FAM135B: variants seen among roughly 807,000 people sequenced by gnomAD.
FAM135B encodes protein FAM135B.
In FAM135B, 43 loss-of-function variants were observed where a neutral mutation model predicts 127.7. The ratio of observed to expected loss-of-function variants is 0.34; its 90% confidence interval spans 0.26 to 0.43. The LOEUF is 0.43. Ranked by LOEUF, FAM135B falls within the 20% of genes least tolerant of loss-of-function variation. The pLI is 1.00. For synonymous variants in FAM135B, 670 were observed against 665.1 expected (o/e 1.01, Z -0.11); for missense variants, 1,558 against 1,725.6 (o/e 0.90, Z 1.72).
chr8:138,309,438 C>T (rs76772120), intron 3 of FAM135B, among the ~76,000 whole-genome samples: 97 of 151,994 alleles, frequency 6.4e-4, no homozygotes, highest in East Asian at 4.9e-3. Context: ...TTATTTAATG[C>T]TTCACTCTGC....
chr8:138,320,124 T>G (rs568317193), intron 2 of FAM135B, among the ~76,000 whole-genome samples: 18 of 152,328 alleles, frequency 1.2e-4, no homozygotes, highest in African/African-American at 4.1e-4. Context: ...ATTTCAGAAT[T>G]CTAACCTGCA....
intron 19 of FAM135B, among the ~76,000 whole-genome samples, chr8:138,134,980 A>G (rs1200595078): frequency 6.6e-6 from 1 of 152,200 alleles, no homozygotes; most frequent in Admixed American, 6.5e-5. Flanking sequence ...CATAATAAAT[A>G]CAATTTGCTA....
At position 138,465,217 on chromosome 8, in the gene FAM135B, G is replaced by A. The variant is rs530060013; in HGVS notation, c.-20+31454C>T. ...GGAGTGACATTCATTGAAGTTGCACGTATCAGGTGTTTAGACCCAAAGGTC... is the reference window on the plus strand; with the variant it reads ...GGAGTGACATTCATTGAAGTTGCACATATCAGGTGTTTAGACCCAAAGGTC... On this transcript the variant is annotated intron_variant, in intron 1 of 19. Transcript: ENST00000395297. Among the ~76,000 whole-genome samples the A allele has an allele frequency of 4.6e-5, 7 of 152,222 alleles. No homozygotes were observed. The East Asian group carries it at 5.8e-4, about 13-fold the overall frequency.
At chr8:138,350,369 C>T (rs181052482) in intron 2 of FAM135B, among the ~76,000 whole-genome samples, 2 of 152,124 alleles carry the variant, frequency 1.3e-5, no homozygotes, top group Admixed American at 1.3e-4. Flanking sequence ...CTAATCAAAT[C>T]CAGCTTAGGA....
chr8:138,378,572 C>T (rs866674152), intron 1 of FAM135B, among the ~76,000 whole-genome samples: 15 of 152,298 alleles, frequency 9.8e-5, no homozygotes, highest in African/African-American at 3.1e-4. Context: ...CTCTGAGGTT[C>T]TTCAGGGCCT....
At chr8:138,174,596 C>T (rs1480900571) in intron 11 of FAM135B, among the ~76,000 whole-genome samples, 2 of 152,208 alleles carry the variant, frequency 1.3e-5, no homozygotes, top group Non-Finnish European at 2.9e-5. Flanking sequence ...TAGTATCTCG[C>T]TTATCTTAGT....
chr8:138,216,852 C>CT (rs1818586543), intron 7 of FAM135B, among the ~76,000 whole-genome samples: 1 of 152,112 alleles, frequency 6.6e-6, no homozygotes, highest in Admixed American at 6.6e-5. Flanking sequence ...CAGCTACAAT[C>CT]CTAACCATCT....
chr8:138,368,338 A>C (rs1830895019), intron 1 of FAM135B, among the ~76,000 whole-genome samples: 1 of 152,120 alleles, frequency 6.6e-6, no homozygotes, highest in Admixed American at 6.5e-5. Flanking sequence ...AAGGCACAAG[A>C]ATCCTTGCTC....
At chr8:138,325,555 C>T (rs947371589) in intron 2 of FAM135B, among the ~76,000 whole-genome samples, 2 of 152,052 alleles carry the variant, frequency 1.3e-5, no homozygotes, top group Non-Finnish European at 2.9e-5. Flanking sequence ...ACTGTTGAGC[C>T]TTCAGGAAAT....
rs192391540 is a variant in FAM135B at position 138,194,523 on chromosome 8, C to G, written c.873+735G>C. On this transcript the variant is annotated intron_variant, in intron 9 of 19. Coordinates refer to ENST00000395297, the MANE Select transcript of FAM135B (RefSeq NM_015912.4). ...TGCCCAGGCTCAGGCAAAGATGCAT[C>G]ATTAAAGTTCCAAGGATGATTCTAA... Among the ~76,000 whole-genome samples, 299 of 152,314 alleles carry G rather than the reference C, an allele frequency of 2.0e-3. 1 individual carries two copies. Among genetic ancestry groups the G allele is most frequent in the African/African-American group, 7.0e-3 (290 of 41,564 alleles).
chr8:138,216,086 G>A (rs1818521517), intron 7 of FAM135B, among the ~76,000 whole-genome samples: 1 of 152,306 alleles, frequency 6.6e-6, no homozygotes, highest in Non-Finnish European at 1.5e-5. Flanking sequence ...CAAGGAGCCT[G>A]TCTGCACATG....
intron 1 of FAM135B, among the ~76,000 whole-genome samples, chr8:138,396,757 C>T (rs1832876592): frequency 6.6e-6 from 1 of 152,092 alleles, no homozygotes; most frequent in Non-Finnish European, 1.5e-5. Flanking sequence ...AGCTGCAGGG[C>T]CACTGACTCC....
intron 1 of FAM135B, among the ~76,000 whole-genome samples, chr8:138,419,624 C>T (rs558870207): frequency 1.1e-3 from 169 of 152,174 alleles, no homozygotes; most frequent in African/African-American, 3.9e-3. Context: ...CAATTCTCAA[C>T]AAATTTTTAA....
At chr8:138,134,163 G>A (rs979895618) in intron 19 of FAM135B, among the ~76,000 whole-genome samples, 5 of 151,690 alleles carry the variant, frequency 3.3e-5, no homozygotes, top group Admixed American at 6.6e-5. Context: ...CAGAGGAATA[G>A]TTAAGTAAAC....
At chr8:138,482,040 T>C (rs1057124711) in intron 1 of FAM135B, among the ~76,000 whole-genome samples, 20 of 152,148 alleles carry the variant, frequency 1.3e-4, no homozygotes, top group Admixed American at 1.3e-3. Flanking sequence ...ATGGGCTACA[T>C]TGTCAGCACA....
chr8:138,341,528 T>C lies in FAM135B; in HGVS notation c.77+26379A>G, dbSNP rs1442587209. Among the ~76,000 whole-genome samples, 4 of 3,330 alleles carry C rather than the reference T, an allele frequency of 1.2e-3. No homozygotes were observed. The Non-Finnish European group carries it at 0.044, about 37-fold the overall frequency. The allele number at this position is 3,330 out of a possible 152,430, so 2.2% of individuals were successfully genotyped here. A position where few individuals can be genotyped will look rare whatever the true frequency, so the allele number is the denominator to read the frequency against. On this transcript the variant is annotated intron_variant, in intron 2 of 19. Transcript: ENST00000395297. ...GGTGATGGTTCCACAACAATGTGAA[T>C]GTACTTATGAAGACCAAAGAATTGT...
At position 138,148,628 on chromosome 8, in the gene FAM135B, T is replaced by C; in HGVS notation, c.3340A>G (p.Ser1114Gly). ...KELKIEGFLY[S>G]DLTVLASDIP... ...TCAGAAGCTAGTACAGTTAAGTCAC[T>C]GTACAGAAATCCTTCAATCTTCAGT... The change falls in exon 14 of 20, where the codon AGT becomes GGT. Residue 1114 changes from serine (S) to glycine (G), a missense_variant. By Grantham distance (56) the Ser-to-Gly change is moderately conservative. Transcript: ENST00000395297. 1 of 1,611,234 alleles carries C rather than the reference T, an allele frequency of 6.2e-7. No homozygotes were observed. Among genetic ancestry groups the C allele is most frequent in the Non-Finnish European group, 8.5e-7 (1 of 1,178,564 alleles).
chr8:138,278,851 TGTGA>T (rs942309917), intron 3 of FAM135B, among the ~76,000 whole-genome samples: 1 of 151,918 alleles, frequency 6.6e-6, no homozygotes, highest in Non-Finnish European at 1.5e-5. Flanking sequence ...ACAGGGTTGT[TGTGA>T]GTATCAAATG....
At chr8:138,140,252 T>C (rs1419765407) in intron 17 of FAM135B, among the ~76,000 whole-genome samples, 1 of 152,126 alleles carries the variant, frequency 6.6e-6, no homozygotes, top group East Asian at 1.9e-4. Flanking sequence ...GACCAGGCCA[T>C]GAGGAAACAA....
Sources: allele counts gnomAD v4.1 joint callset (sites outside exome capture counted in the v4.1 genomes callset), GRCh38; gene constraint gnomAD v4.1.1; transcripts MANE v1.5; gene names NCBI Gene and HGNC (gene_info 2026-07-23, HGNC 2026-07-21).